SLIT2: variants seen among roughly 807,000 people sequenced by gnomAD.
SLIT2 encodes slit guidance ligand 2.
A neutral mutation model predicts 185.7 loss-of-function variants in SLIT2; 41 were observed. That is an observed-to-expected ratio of 0.22 (90% CI 0.17 to 0.29). The LOEUF (loss-of-function observed/expected upper bound fraction) is 0.29, where lower values mean the gene tolerates loss of function less well. Among genes scored for constraint, SLIT2 ranks in the 10% least tolerant of loss-of-function variants. The pLI is 1.00. For missense variants in SLIT2, 1,571 were observed against 1,909.0 expected, an observed-to-expected ratio of 0.82 and a Z score of 3.30; for synonymous variants, 693 against 680.2, an observed-to-expected ratio of 1.02 and a Z score of -0.29.
At position 20,256,757 on chromosome 4, in the gene SLIT2, C is replaced by T. The variant is rs377734124; in HGVS notation, c.251+14C>T. The T allele has an allele frequency of 3.1e-5, 41 of 1,332,602 alleles. No homozygotes were observed. The African/African-American group carries it at 4.5e-4, about 14-fold the overall frequency. The allele number at this position is 1,332,602 out of a possible 1,614,324, so 82.5% of individuals were successfully genotyped here. A position where few individuals can be genotyped will look rare whatever the true frequency, so the allele number is the denominator to read the frequency against. On this transcript the variant is annotated intron_variant, in intron 2 of 36. Transcript: ENST00000504154. ...TCTAAGAGTTCTGTAAGTGCATCCT[C>T]TGTATTTTTAAATAATTTTTTAAGG...
intron 9 of SLIT2, 45 bp from the exon 10 acceptor site, chr4:20,510,450 A>C: frequency 8.3e-7 from 1 of 1,200,390 alleles, no homozygotes; most frequent in Non-Finnish European, 1.2e-6. Flanking sequence ...AACATGTCCG[A>C]AGGTTCACAT....
chr4:20,260,234 T>C (rs1229922746), intron 3 of SLIT2, among the ~76,000 whole-genome samples: 4 of 151,808 alleles, frequency 2.6e-5, no homozygotes, highest in Admixed American at 1.3e-4. Context: ...CACCAAAAAA[T>C]TGCTTGCTTT....
At chr4:20,497,065 AT>A (rs36102199) in intron 9 of SLIT2, among the ~76,000 whole-genome samples, 54,450 of 148,530 alleles carry the variant, frequency 0.37, 10,351 homozygotes, top group Middle Eastern at 0.49. Flanking sequence ...TATTTCTGAG[AT>A]TTTTTTTTTT....
intron 4 of SLIT2, among the ~76,000 whole-genome samples, chr4:20,282,108 G>T (rs755202201): frequency 1.3e-5 from 2 of 152,070 alleles, no homozygotes; most frequent in Non-Finnish European, 2.9e-5. Context: ...TGTGACAGAG[G>T]GGTAATAATG....
intron 4 of SLIT2, among the ~76,000 whole-genome samples, chr4:20,419,667 CTGTGTGTG>C (rs55679047): frequency 4.8e-4 from 66 of 138,082 alleles, no homozygotes; most frequent in Admixed American, 1.8e-3. Flanking sequence ...AAGTTTTAAG[CTGTGTGTG>C]TGTGTGTGTG....
chr4:20,397,360 A>C (rs913612107), intron 4 of SLIT2, among the ~76,000 whole-genome samples: 3 of 151,826 alleles, frequency 2.0e-5, no homozygotes, highest in Non-Finnish European at 4.4e-5. Flanking sequence ...CTAATTAAAT[A>C]GGATAACAGA....
intron 4 of SLIT2, among the ~76,000 whole-genome samples, chr4:20,287,257 C>G (rs1715350684): frequency 6.6e-6 from 1 of 152,136 alleles, no homozygotes; most frequent in South Asian, 2.1e-4. Flanking sequence ...GAACTAGATC[C>G]CGCTTTCTCT....
chr4:20,260,973 C>T (rs554140960), intron 3 of SLIT2, among the ~76,000 whole-genome samples: 7 of 151,662 alleles, frequency 4.6e-5, no homozygotes, highest in Non-Finnish European at 1.0e-4. Flanking sequence ...TCTCTTACAA[C>T]ATGAGATAAC....
intron 25 of SLIT2, chr4:20,552,730 CT>C (rs1478892389): frequency 6.6e-6 from 1 of 151,930 alleles, no homozygotes; most frequent in East Asian, 1.9e-4. Context: ...CAGGGGCTAC[CT>C]AAAAAAAATA....
rs1409023376 is a variant in SLIT2 at position 20,546,030 on chromosome 4, G to A, written c.2277-1G>A. On this transcript the variant is annotated splice_acceptor_variant, in intron 21 of 36. Transcript: ENST00000504154. LOFTEE classifies it high-confidence loss of function. ...AGATAATATTGTTCCATTGTTTTTA[G>A]GTATCTGGATGGAAACCAATTTACA... 1.3e-6 allele frequency: 2 copies of A among 1,530,710 alleles called. No homozygotes were observed. The highest frequency in any genetic ancestry group is 3.5e-5 in the Admixed American group (2 of 57,154). The allele number at this position is 1,530,710 out of a possible 1,614,324, so 94.8% of individuals were successfully genotyped here.
intron 6 of SLIT2, among the ~76,000 whole-genome samples, chr4:20,485,248 T>C (rs1577757486): frequency 6.6e-6 from 1 of 152,186 alleles, no homozygotes; most frequent in Non-Finnish European, 1.5e-5. Flanking sequence ...GCCTTATTAG[T>C]TTTTGTAATT....
chr4:20,378,975 G>T (rs1225688679), intron 4 of SLIT2, among the ~76,000 whole-genome samples: 1 of 152,132 alleles, frequency 6.6e-6, no homozygotes, highest in East Asian at 1.9e-4. Flanking sequence ...GTAAGTGAAA[G>T]AAATTAATCT....
intron 26 of SLIT2, among the ~76,000 whole-genome samples, chr4:20,555,435 G>A (rs775417870): frequency 2.0e-5 from 3 of 152,090 alleles, no homozygotes; most frequent in Admixed American, 6.5e-5. Flanking sequence ...TCTGTGCCTC[G>A]GTTTCCTCAT....
At chr4:20,479,004 G>T (rs1274327715) in intron 5 of SLIT2, among the ~76,000 whole-genome samples, 2 of 152,128 alleles carry the variant, frequency 1.3e-5, no homozygotes, top group African/African-American at 4.8e-5. Context: ...TTAATAAGTA[G>T]AAATTATTTA....
At chr4:20,441,185 G>A (rs764311041) in intron 4 of SLIT2, among the ~76,000 whole-genome samples, 35 of 152,182 alleles carry the variant, frequency 2.3e-4, no homozygotes, top group Non-Finnish European at 4.6e-4. Context: ...TGTGGCAAAA[G>A]GGAACTGCTG....
At chr4:20,610,946 G>A (rs757701204) in intron 34 of SLIT2, among the ~76,000 whole-genome samples, 4 of 152,142 alleles carry the variant, frequency 2.6e-5, no homozygotes, top group Non-Finnish European at 5.9e-5. Flanking sequence ...GAGAGGACCC[G>A]CAAAGGAGAG....
At chr4:20,382,796 A>G (rs1724635249) in intron 4 of SLIT2, among the ~76,000 whole-genome samples, 1 of 152,172 alleles carries the variant, frequency 6.6e-6, no homozygotes, top group African/African-American at 2.4e-5. Context: ...TGACAAACTA[A>G]GTATAAAATT....
Position 20,553,967 on chromosome 4 carries a change from A to T in SLIT2, c.2724A>T (p.Gln908His), listed in dbSNP as rs750143379. The change falls in exon 26 of 37, where the codon CAA (glutamine) becomes CAT (histidine). Residue 908 changes from glutamine to histidine, a missense_variant and splice_region_variant. This residue lies in a region of SLIT2 where 1,202 missense variants were observed against 1,416.4 expected (regional missense o/e 0.85). Transcript: ENST00000504154. ...CTCCCTCCAAAAAATTTACCTGTCA[A>T]GGTATGGTTTTTAATCATTTGTATT... Reference protein sequence around the residue: ...LTTPSKKFTCQGPVDVNILAK... With the variant: ...LTTPSKKFTCHGPVDVNILAK... The T allele has an allele frequency of 6.3e-7, 1 of 1,585,468 alleles. No individual in the cohort carries two copies. The highest frequency in any genetic ancestry group is 8.5e-7 in the Non-Finnish European group (1 of 1,171,208).
intron 4 of SLIT2, among the ~76,000 whole-genome samples, chr4:20,338,155 G>T (rs547953111): frequency 6.6e-6 from 1 of 152,184 alleles, no homozygotes; most frequent in East Asian, 1.9e-4. Flanking sequence ...TTTTTAAATT[G>T]TTCTCATTCA....
Sources: allele counts gnomAD v4.1 joint callset (sites outside exome capture counted in the v4.1 genomes callset), GRCh38; gene constraint gnomAD v4.1.1; regional missense constraint gnomAD v4.1.1; transcripts MANE v1.5; gene names NCBI Gene and HGNC (gene_info 2026-07-23, HGNC 2026-07-21).